Variants in ABCA13 observed in about 807,000 individuals in gnomAD.
ABCA13 encodes ATP-binding cassette sub-family A member 13.
ABCA13 carries 476 observed loss-of-function variants against 478.7 expected under a neutral mutation model. The observed-to-expected ratio is 0.99, with a 90% CI of 0.92 to 1.07. The LOEUF (loss-of-function observed/expected upper bound fraction) is 1.07. ABCA13 is among the 50% of genes least tolerant of loss of function. The pLI is 0.00. For missense variants in ABCA13, 6,060 were observed against 5,910.6 expected, an observed-to-expected ratio of 1.03 and a Z score of -0.83; for synonymous variants, 2,252 against 2,158.9, an observed-to-expected ratio of 1.04 and a Z score of -1.20.
chr7:48,643,223 C>G, intron 59 of ABCA13, 65 bp from the exon 60 acceptor site: 1 of 1,068,100 alleles, frequency 9.4e-7, no homozygotes, highest in Non-Finnish European at 1.4e-6. Context: ...TGAAAATGGA[C>G]TTAGAATTTA....
At chr7:48,349,047 C>A (rs1237320724) in intron 29 of ABCA13, among the ~76,000 whole-genome samples, 2 of 152,136 alleles carry the variant, frequency 1.3e-5, no homozygotes, top group African/African-American at 4.8e-5. Context: ...GCCTTAATTC[C>A]TATACTTTAA....
At chr7:48,593,667 A>ATT (rs139806164) in intron 57 of ABCA13, among the ~76,000 whole-genome samples, 1 of 139,392 alleles carries the variant, frequency 7.2e-6, no homozygotes, top group Non-Finnish European at 1.6e-5. Context: ...CCCCTTTAGC[A>ATT]TTTTTTTTTT....
chr7:48,438,583 T>C (rs924771443), intron 42 of ABCA13, among the ~76,000 whole-genome samples: 2 of 151,740 alleles, frequency 1.3e-5, no homozygotes, highest in South Asian at 4.2e-4. Context: ...TTTTTTTTTT[T>C]CTGCCATGTT....
chr7:48,315,037 G>A (rs1362782493), intron 26 of ABCA13, among the ~76,000 whole-genome samples: 1 of 152,216 alleles, frequency 6.6e-6, no homozygotes, highest in Non-Finnish European at 1.5e-5. Flanking sequence ...AGGTTTTGGA[G>A]TTTAGACGGT....
chr7:48,182,167 C>T (rs568888405), intron 1 of ABCA13, among the ~76,000 whole-genome samples: 66 of 152,178 alleles, frequency 4.3e-4, no homozygotes, highest in African/African-American at 1.5e-3. Flanking sequence ...ATAATAATTG[C>T]GGATTCAAAA....
rs533393247 is a variant in ABCA13, at chr7:48,384,072, T to G, written c.11336-3750T>G. Among the ~76,000 whole-genome samples the G allele has an allele frequency of 6.6e-5, 10 of 152,354 alleles. No homozygotes were observed. The South Asian group carries it at 2.1e-3, about 32-fold the overall frequency. ...GTCATCTAGAATCCTAGAATTTTAA[T>G]TGCTAATTCAAATCTATAAACACTT... is the stretch of plus-strand genomic sequence containing the variant. On this transcript the variant is annotated intron_variant, in intron 35 of 61. Transcript: ENST00000435803.
chr7:48,508,152 G>C, intron 50 of ABCA13, 103 bp downstream of exon 50: 2 of 1,445,070 alleles, frequency 1.4e-6, no homozygotes, highest in Non-Finnish European at 1.9e-6. Flanking sequence ...CTGCCTTGGA[G>C]TGTCCACAAA....
At chr7:48,269,371 T>A (rs370943685) in intron 16 of ABCA13, among the ~76,000 whole-genome samples, 6 of 152,332 alleles carry the variant, frequency 3.9e-5, no homozygotes, top group East Asian at 3.9e-4. Flanking sequence ...TTATAATAGA[T>A]GCTCCAAAAA....
chr7:48,527,794 AAC>A (rs1321730853), intron 54 of ABCA13, among the ~76,000 whole-genome samples: 1 of 152,156 alleles, frequency 6.6e-6, no homozygotes, highest in East Asian at 1.9e-4. Flanking sequence ...TACACAGACA[AAC>A]ACATATGTAT....
intron 3 of ABCA13, among the ~76,000 whole-genome samples, chr7:48,208,316 GA>G (rs1467055271): frequency 6.6e-6 from 1 of 151,896 alleles, no homozygotes; most frequent in Non-Finnish European, 1.5e-5. Flanking sequence ...TTTAAAAAAT[GA>G]ATTTTTTTTC....
intron 29 of ABCA13, among the ~76,000 whole-genome samples, chr7:48,338,670 C>G (rs1375036574): frequency 1.3e-5 from 2 of 152,184 alleles, no homozygotes; most frequent in Non-Finnish European, 2.9e-5. Context: ...TTCACTGATT[C>G]AGGACTTAAC....
At chr7:48,288,414 AATT>A (rs1244860264) in intron 20 of ABCA13, among the ~76,000 whole-genome samples, 4 of 152,206 alleles carry the variant, frequency 2.6e-5, no homozygotes, top group Non-Finnish European at 5.9e-5. Flanking sequence ...CACAAGTAAT[AATT>A]ACTCAAGATT....
At chr7:48,347,827 T>G (rs1808345717) in intron 29 of ABCA13, among the ~76,000 whole-genome samples, 1 of 152,254 alleles carries the variant, frequency 6.6e-6, no homozygotes, top group African/African-American at 2.4e-5. Context: ...TAATAACCGT[T>G]ATACTAGGAA....
At chr7:48,597,365 T>A (rs1037283384) in intron 58 of ABCA13, among the ~76,000 whole-genome samples, 2 of 152,246 alleles carry the variant, frequency 1.3e-5, no homozygotes, top group Non-Finnish European at 2.9e-5. Flanking sequence ...CATTCACCAG[T>A]TGATAAGCAT....
At chr7:48,261,157 T>C (rs537653931) in intron 15 of ABCA13, among the ~76,000 whole-genome samples, 2 of 152,108 alleles carry the variant, frequency 1.3e-5, no homozygotes, top group East Asian at 3.9e-4. Flanking sequence ...AGCTTTTAGC[T>C]GTGAGCAACC....
rs756480355 is a variant in ABCA13, at chr7:48,524,396, A to T, written c.14200A>T (p.Ile4734Phe). The T allele has an allele frequency of 4.0e-5, 65 of 1,612,952 alleles. No homozygotes were observed. The Middle Eastern group carries it at 1.2e-3, about 29-fold the overall frequency. ...ACATTATCGACGCTTTTTCCAGAATATTATTGCTGTGCAAGATATTAGTTT... is the reference window on the plus strand; with the variant it reads ...ACATTATCGACGCTTTTTCCAGAATTTTATTGCTGTGCAAGATATTAGTTT... The part of the protein sequence containing the change: ...SKHYRRFFQN[I>F]IAVQDISLGI... The change falls in exon 54 of 62, where the codon ATT becomes TTT. Residue 4734 changes from isoleucine (I) to phenylalanine (F), a missense_variant. By Grantham distance (21) the Ile-to-Phe change is conservative (BLOSUM62 0). Around this residue, in one of 3 missense-constraint regions of ABCA13, gnomAD observed 1,627 missense variants for 1,571.0 expected, o/e 1.04. Transcript: ENST00000435803.
Position 48,278,886 on chromosome 7 carries a change from A to G in ABCA13, c.7692A>G (p.Gln2564=), listed in dbSNP as rs754667518. ...FFDTLYSIMQ[Q]SVQNLVKEIA... ...ACACTCTGTATTCCATCATGCAACA[A>G]AGTGTTCAAAATCTTGTGAAAGAAA... The change falls in exon 18 of 62, where the codon CAA becomes CAG. Residue 2564 remains glutamine (Q), a synonymous_variant. Transcript: ENST00000435803. 5.3e-5 allele frequency: 85 copies of G among 1,613,214 alleles called. No individual in the cohort carries two copies. Among genetic ancestry groups the G allele is most frequent in the Admixed American group, 6.7e-5 (4 of 60,000 alleles).
At chr7:48,189,997 T>C (rs990684647) in intron 1 of ABCA13, among the ~76,000 whole-genome samples, 1 of 152,198 alleles carries the variant, frequency 6.6e-6, no homozygotes, top group Non-Finnish European at 1.5e-5. Context: ...AATTATTATA[T>C]GCTTAACTTG....
At chr7:48,347,789 C>G (rs1206667347) in intron 29 of ABCA13, among the ~76,000 whole-genome samples, 1 of 152,216 alleles carries the variant, frequency 6.6e-6, no homozygotes, top group Non-Finnish European at 1.5e-5. Context: ...GTCTCCTCCT[C>G]TACTGGAAAC....
Sources: allele counts gnomAD v4.1 joint callset (sites outside exome capture counted in the v4.1 genomes callset), GRCh38; gene constraint gnomAD v4.1.1; regional missense constraint gnomAD v4.1.1; transcripts MANE v1.5; gene names NCBI Gene and HGNC (gene_info 2026-07-23, HGNC 2026-07-21).